Variants in ZNRF3 observed in about 807,000 individuals in gnomAD.
The protein encoded by ZNRF3 is E3 ubiquitin-protein ligase ZNRF3.
Under a neutral mutation model 72.5 loss-of-function variants are expected in ZNRF3, and 23 were observed. The ratio of observed to expected loss-of-function variants is 0.32; its 90% confidence interval spans 0.23 to 0.45. The LOEUF is 0.45. ZNRF3 is among the 20% of genes least tolerant of loss of function. ZNRF3 has a pLI of 1.00. For missense variants in ZNRF3, 1,169 were observed against 1,272.1 expected, an observed-to-expected ratio of 0.92 and a Z score of 1.23; for synonymous variants, 610 against 545.3, an observed-to-expected ratio of 1.12 and a Z score of -1.65.
intron 1 of ZNRF3, among the ~76,000 whole-genome samples, chr22:28,907,167 T>G (rs142165382): frequency 1.4e-5 from 2 of 148,084 alleles, no homozygotes; most frequent in African/African-American, 4.9e-5. Flanking sequence ...TTTTTTTTTG[T>G]ATTTTAGTAA....
At chr22:29,043,516 C>A in intron 4 of ZNRF3, 86 bp downstream of exon 4, 1 of 1,518,968 alleles carries the variant, frequency 6.6e-7, no homozygotes, top group Non-Finnish European at 8.9e-7. Context: ...TCATTCCTAT[C>A]TCTGTCTGAA....
At chr22:29,031,292 G>A (rs2036747138) in intron 2 of ZNRF3, 1 of 152,188 alleles carries the variant, frequency 6.6e-6, no homozygotes, top group African/African-American at 2.4e-5. Context: ...AAGAACCACA[G>A]GTGATTCCCC....
intron 2 of ZNRF3, among the ~76,000 whole-genome samples, chr22:29,023,079 G>A (rs981236660): frequency 3.3e-5 from 5 of 151,978 alleles, no homozygotes; most frequent in African/African-American, 1.2e-4. Flanking sequence ...CAAATTTCCT[G>A]GTACAGGAAT....
intron 1 of ZNRF3, among the ~76,000 whole-genome samples, chr22:28,892,823 C>T (rs1037672182): frequency 3.3e-5 from 5 of 152,094 alleles, no homozygotes; most frequent in African/African-American, 4.8e-5. Context: ...GATGGGAAAA[C>T]GTATGTTAGA....
At chr22:28,954,721 G>A (rs1295831930) in intron 1 of ZNRF3, among the ~76,000 whole-genome samples, 1 of 151,618 alleles carries the variant, frequency 6.6e-6, no homozygotes. Flanking sequence ...TCTACCTCCT[G>A]GGCTCTAGCA....
chr22:28,908,462 C>T (rs2034253984), intron 1 of ZNRF3, among the ~76,000 whole-genome samples: 1 of 152,144 alleles, frequency 6.6e-6, no homozygotes, highest in Non-Finnish European at 1.5e-5. Context: ...ATGCGAGAGT[C>T]ACTAACTAGC....
At chr22:29,013,983 C>G (rs901881427) in intron 2 of ZNRF3, among the ~76,000 whole-genome samples, 3 of 152,186 alleles carry the variant, frequency 2.0e-5, no homozygotes, top group Non-Finnish European at 4.4e-5. Context: ...GATGGTCTTG[C>G]ATTGCTAATA....
At chr22:29,002,605 G>A (rs923061195) in intron 2 of ZNRF3, among the ~76,000 whole-genome samples, 2 of 152,234 alleles carry the variant, frequency 1.3e-5, no homozygotes, top group Non-Finnish European at 2.9e-5. Flanking sequence ...AAGGTTTGCT[G>A]ATGCGCACCA....
At chr22:29,039,953 CTG>C (rs1471541748) in intron 2 of ZNRF3, among the ~76,000 whole-genome samples, 1 of 152,084 alleles carries the variant, frequency 6.6e-6, no homozygotes, top group East Asian at 1.9e-4. Context: ...AAGCCCATCT[CTG>C]ATAGATAGAA....
chr22:29,055,368 G>A lies in ZNRF3; in HGVS notation c.*1746G>A, dbSNP rs1285999174. 6.6e-6 allele frequency: 1 copy of A among 152,204 alleles called. No individual in the cohort carries two copies. Among genetic ancestry groups the A allele is most frequent in the Non-Finnish European group, 1.5e-5 (1 of 68,036 alleles). The allele number at this position is 152,204 out of a possible 1,614,324, so 9.4% of individuals were successfully genotyped here. A position where few individuals can be genotyped will look rare whatever the true frequency, so the allele number is the denominator to read the frequency against. On this transcript the variant is annotated 3_prime_UTR_variant, in exon 9 of 9. Coordinates refer to ENST00000544604, the MANE Select transcript of ZNRF3 (RefSeq NM_001206998.2). The stretch of plus-strand genomic sequence containing the variant: ...TAGGAAACTTGAGACCTGGCCCCCT[G>A]TGGGTAGGAGAACAAGGACCACCTG...
chr22:28,989,174 T>C (rs2035909210), intron 2 of ZNRF3, among the ~76,000 whole-genome samples: 1 of 152,200 alleles, frequency 6.6e-6, no homozygotes, highest in African/African-American at 2.4e-5. Flanking sequence ...AGCCCCCACG[T>C]TTCTCTGGAG....
intron 1 of ZNRF3, among the ~76,000 whole-genome samples, chr22:28,957,152 G>A (rs2123800235): frequency 6.6e-6 from 1 of 152,316 alleles, no homozygotes; most frequent in East Asian, 1.9e-4. Context: ...ATGGTTTCGA[G>A]CCAGGACAGT....
intron 1 of ZNRF3, among the ~76,000 whole-genome samples, chr22:28,925,156 C>T (rs576486231): frequency 6.6e-6 from 1 of 152,148 alleles, no homozygotes; most frequent in African/African-American, 2.4e-5. Context: ...GATGAAGAAG[C>T]CTGCCAAACG....
intron 1 of ZNRF3, among the ~76,000 whole-genome samples, chr22:28,926,482 CTT>C (rs781139211): frequency 7.3e-6 from 1 of 136,814 alleles, no homozygotes; most frequent in Non-Finnish European, 1.6e-5. Context: ...CCCTGCCTGG[CTT>C]TTTTTTTTTT....
intron 2 of ZNRF3, among the ~76,000 whole-genome samples, chr22:29,007,836 A>G (rs1220239968): frequency 7.0e-6 from 1 of 143,120 alleles, no homozygotes; most frequent in Non-Finnish European, 1.5e-5. Flanking sequence ...GGCTCACCAC[A>G]ACCTCCGCCT....
At chr22:28,965,239 G>T (rs2035439185) in intron 1 of ZNRF3, among the ~76,000 whole-genome samples, 1 of 152,150 alleles carries the variant, frequency 6.6e-6, no homozygotes. Context: ...TAAGATTGGA[G>T]ATAATGTATG....
At position 29,053,597 on chromosome 22, in the gene ZNRF3, C is replaced by G; in HGVS notation, c.2786C>G (p.Ala929Gly). Residue 929 changes from alanine to glycine, a missense_variant, in exon 9 of 9, where the codon GCA (alanine) becomes GGA (glycine). Physicochemically the swap from Ala to Gly is moderately conservative, Grantham distance 60. Coordinates refer to ENST00000544604, the MANE Select transcript of ZNRF3 (RefSeq NM_001206998.2). ...TTCCCAGGACCGAGATCTCACTCAG[C>G]AGACAGCAGCAGCCCGGGAGCCTGA... ...TEAAGPRSHS[A>G]DSSSPGA 1.2e-6 allele frequency: 2 copies of G among 1,613,780 alleles called. No individual in the cohort carries two copies. Among genetic ancestry groups the G allele is most frequent in the South Asian group, 2.2e-5 (2 of 91,052 alleles).
At chr22:29,039,509 A>G (rs1350583842) in intron 2 of ZNRF3, among the ~76,000 whole-genome samples, 1 of 152,198 alleles carries the variant, frequency 6.6e-6, no homozygotes, top group Non-Finnish European at 1.5e-5. Flanking sequence ...GCTTTTCCTC[A>G]GGGCCCTTCT....
At chr22:28,925,262 T>C (rs1457242899) in intron 1 of ZNRF3, among the ~76,000 whole-genome samples, 1 of 152,194 alleles carries the variant, frequency 6.6e-6, no homozygotes, top group African/African-American at 2.4e-5. Context: ...ACTTAAGTCA[T>C]AGTGACTAAA....
Sources: gnomAD v4.1 joint callset for allele counts (sites outside exome capture counted in the v4.1 genomes callset) on GRCh38, gnomAD v4.1.1 for gene constraint, MANE v1.5 for transcripts, NCBI Gene and HGNC (gene_info 2026-07-23, HGNC 2026-07-21) for gene names.